Variants in DZIP1L observed in about 807,000 individuals in gnomAD.
The protein encoded by DZIP1L is DAZ interacting zinc finger protein 1 like.
In DZIP1L, 90 loss-of-function variants were observed where a neutral mutation model predicts 88.7. The observed-to-expected ratio is 1.02, with a 90% CI of 0.86 to 1.21. DZIP1L has a LOEUF of 1.21. Among genes scored for constraint, DZIP1L ranks in the 50% most tolerant of loss-of-function variants. The pLI, the probability that DZIP1L is intolerant of heterozygous loss-of-function variation, is 0.00. For synonymous variants in DZIP1L, 363 were observed against 372.1 expected, an observed-to-expected ratio of 0.98 and a Z score of 0.28; for missense variants, 932 against 955.8, an observed-to-expected ratio of 0.98 and a Z score of 0.33.
chr3:138,084,356 G>A (rs1943824167), intron 7 of DZIP1L, 103 bp from the exon 8 acceptor site: 2 of 1,445,612 alleles, frequency 1.4e-6, no homozygotes, highest in Non-Finnish European at 1.8e-6. Flanking sequence ...GGCAAGCACA[G>A]TAAAGGATTT....
chr3:138,074,591 T>A (rs1304693198), intron 11 of DZIP1L, among the ~76,000 whole-genome samples: 1 of 152,182 alleles, frequency 6.6e-6, no homozygotes, highest in Non-Finnish European at 1.5e-5. Context: ...TTTATTTTTT[T>A]ATTATACTTT....
chr3:138,080,848 A>G (rs1943613609), intron 9 of DZIP1L, among the ~76,000 whole-genome samples: 1 of 151,714 alleles, frequency 6.6e-6, no homozygotes, highest in African/African-American at 2.4e-5. Context: ...AAGTCCTTGA[A>G]CCCCTCTAAG....
At chr3:138,069,403 G>A (rs531131697) in intron 12 of DZIP1L, among the ~76,000 whole-genome samples, 1 of 152,258 alleles carries the variant, frequency 6.6e-6, no homozygotes, top group South Asian at 2.1e-4. Flanking sequence ...AAGTTTTGGG[G>A]CAGTCAAAAG....
At chr3:138,098,573 G>A (rs1944581031) in intron 2 of DZIP1L, among the ~76,000 whole-genome samples, 1 of 152,100 alleles carries the variant, frequency 6.6e-6, no homozygotes, top group Non-Finnish European at 1.5e-5. Flanking sequence ...TAATCCATAG[G>A]CAGATTATTT....
In DZIP1L at chr3:138,086,950, A is replaced by G. The variant is rs574581410; in HGVS notation, c.1062+11T>C. The G allele has an allele frequency of 1.5e-5, 24 of 1,613,800 alleles. No homozygotes were observed. Among genetic ancestry groups the G allele is most frequent in the African/African-American group, 9.3e-5 (7 of 75,022 alleles). On this transcript the variant is annotated intron_variant, in intron 7 of 15. Coordinates refer to ENST00000327532, the MANE Select transcript of DZIP1L (RefSeq NM_173543.3). ...AAACCAAGCTCCCCGAGATCACCCA[A>G]CAAAAGCTACCTCTTTCTTCTCAGC...
At position 138,063,455 on chromosome 3, in the gene DZIP1L, A is replaced by C. The variant is rs535107224; in HGVS notation, c.2143-478T>G. Among the ~76,000 whole-genome samples, 1 of 152,322 alleles carries C rather than the reference A, an allele frequency of 6.6e-6. No homozygotes were observed. Among genetic ancestry groups the C allele is most frequent in the South Asian group, 2.1e-4 (1 of 4,826 alleles). On this transcript the variant is annotated intron_variant, in intron 15 of 15. Coordinates refer to ENST00000327532, the MANE Select transcript of DZIP1L (RefSeq NM_173543.3). The surrounding 1 kb of genome is among the most constrained non-coding windows in gnomAD (Gnocchi z 4.1). ...ATGAGAGGAGCTTGGGAGCAACAGGAGTCCTTCAGCCTGGAAGGGTCTGCA... is the reference window on the plus strand; with the variant it reads ...ATGAGAGGAGCTTGGGAGCAACAGGCGTCCTTCAGCCTGGAAGGGTCTGCA...
At position 138,062,122 on chromosome 3, in the gene DZIP1L, G is replaced by C. The variant is rs1309810911; in HGVS notation, c.*694C>G. Reference sequence around the variant, plus strand: ...AAAAATTACACGTGTGGTCCTTTGGGGATACAAGGTCCAGCCAAGTGGCCA... The same window carrying C: ...AAAAATTACACGTGTGGTCCTTTGGCGATACAAGGTCCAGCCAAGTGGCCA... On this transcript the variant is annotated 3_prime_UTR_variant, in exon 16 of 16. Transcript: ENST00000327532. 1 of 152,498 alleles carries C rather than the reference G, an allele frequency of 6.6e-6. No individual in the cohort carries two copies. The highest frequency in any genetic ancestry group is 1.9e-4 in the East Asian group (1 of 5,196). The allele number at this position is 152,498 out of a possible 1,614,324, so 9.4% of individuals were successfully genotyped here. A position where few individuals can be genotyped will look rare whatever the true frequency, so the allele number is the denominator to read the frequency against.
intron 3 of DZIP1L, 135 bp downstream of exon 3, chr3:138,097,628 G>A (rs1244605978): frequency 3.8e-6 from 3 of 791,476 alleles, no homozygotes; most frequent in Non-Finnish European, 6.0e-6. Flanking sequence ...TGGATGGTGG[G>A]ATCATCCCAT....
chr3:138,073,968 G>A (rs938692063), intron 11 of DZIP1L, among the ~76,000 whole-genome samples: 2 of 152,002 alleles, frequency 1.3e-5, no homozygotes, highest in African/African-American at 4.8e-5. Context: ...GAACTTCAGA[G>A]CTCAAAGACA....
intron 2 of DZIP1L, among the ~76,000 whole-genome samples, chr3:138,103,136 A>AAC (rs991503347): frequency 1.3e-5 from 2 of 150,570 alleles, no homozygotes; most frequent in Non-Finnish European, 3.0e-5. Context: ...ACACACATTA[A>AAC]ACACACACAC....
chr3:138,067,136 A>G (rs899884273), intron 14 of DZIP1L, among the ~76,000 whole-genome samples: 1 of 152,178 alleles, frequency 6.6e-6, no homozygotes, highest in African/African-American at 2.4e-5. Flanking sequence ...CAGGAAGCCT[A>G]TGCCTCAGGC....
chr3:138,101,634 A>G (rs953662918), intron 2 of DZIP1L: 2 of 791,414 alleles, frequency 2.5e-6, no homozygotes, highest in South Asian at 2.7e-5. Flanking sequence ...AGCTGAGGCC[A>G]GGGCTTGTGA....
At chr3:138,105,051 A>T (rs546802896) in intron 1 of DZIP1L, among the ~76,000 whole-genome samples, 1 of 152,352 alleles carries the variant, frequency 6.6e-6, no homozygotes, top group South Asian at 2.1e-4. Flanking sequence ...AATATTATGC[A>T]GCTATTGATT....
chr3:138,101,971 G>A (rs1247978923), intron 2 of DZIP1L: 16 of 1,539,142 alleles, frequency 1.0e-5, no homozygotes, highest in Admixed American at 3.4e-5. Context: ...GCCTGGAGCC[G>A]GCTGATGTTC....
At position 138,103,604 on chromosome 3, in the gene DZIP1L, T is replaced by A. The variant is rs769807839; in HGVS notation, c.368A>T (p.Gln123Leu). 1 of 1,607,012 alleles carries A rather than the reference T, an allele frequency of 6.2e-7. No individual in the cohort carries two copies. The highest frequency in any genetic ancestry group is 1.3e-5 in the African/African-American group (1 of 74,888). ...GCGTCCCAGCTCCTGCTGACCACGC[T>A]GCTGCTGGCCCAGGCTGGTCTGCAG... Reference protein sequence around the residue: ...ARLQTSLGQQQRGQQELGRQA... With the variant: ...ARLQTSLGQQLRGQQELGRQA... Residue 123 changes from glutamine to leucine, a missense_variant, in exon 2 of 16, where the codon CAG becomes CTG. Physicochemically the swap from Gln to Leu is moderately radical, Grantham distance 113. Transcript: ENST00000327532.
Position 138,077,494 on chromosome 3 carries a change from C to T in DZIP1L, c.1422+5G>A, listed in dbSNP as rs189484814. The T allele has an allele frequency of 1.3e-4, 206 of 1,614,050 alleles. 1 individual carries two copies. In the East Asian group the frequency reaches 4.1e-3, roughly 32 times the overall value. ...AGCCCTTAAAACGATGGCCCTGAAACTCACCTTCCTTATCCCCATGCTTTC... is the reference window on the plus strand; with the variant it reads ...AGCCCTTAAAACGATGGCCCTGAAATTCACCTTCCTTATCCCCATGCTTTC... On this transcript the variant is annotated splice_donor_5th_base_variant and intron_variant, in intron 11 of 15. Coordinates refer to ENST00000327532, the MANE Select transcript of DZIP1L (RefSeq NM_173543.3).
At chr3:138,090,900 T>G (rs1313973882) in intron 5 of DZIP1L, among the ~76,000 whole-genome samples, 2 of 151,940 alleles carry the variant, frequency 1.3e-5, no homozygotes, top group African/African-American at 2.4e-5. Flanking sequence ...TTTTTTTTTT[T>G]TGAGAAGGAG....
intron 12 of DZIP1L, among the ~76,000 whole-genome samples, 159 bp downstream of exon 12, chr3:138,071,484 C>G (rs1230825857): frequency 6.6e-6 from 1 of 152,218 alleles, no homozygotes; most frequent in African/African-American, 2.4e-5. Context: ...CAGAGAACTT[C>G]TGGACTCAGT....
Position 138,097,845 on chromosome 3 carries a change from G to A in DZIP1L, c.504C>T (p.Cys168=). 1 of 1,611,238 alleles carries A rather than the reference G, an allele frequency of 6.2e-7. No homozygotes were observed. Residue 168 remains cysteine (C), a splice_region_variant and synonymous_variant, in exon 3 of 16, where the codon TGC becomes TGT. Coordinates refer to ENST00000327532, the MANE Select transcript of DZIP1L (RefSeq NM_173543.3). ...TCATGAATGTCTTGTCACACAGGTG[G>A]CACTATACAGAGAGGAAGCAATGGG... ...MQTGTHSYHT[C]HLCDKTFMNA... is the part of the protein sequence containing the mutation.
Sources: gnomAD v4.1 joint callset for allele counts (sites outside exome capture counted in the v4.1 genomes callset) on GRCh38, gnomAD v4.1.1 for gene constraint, Gnocchi (gnomAD v3.1) non-coding constraint, MANE v1.5 for transcripts, NCBI Gene and HGNC (gene_info 2026-07-23, HGNC 2026-07-21) for gene names.